Variants in P3H2 observed in about 807,000 individuals in gnomAD.
P3H2 encodes prolyl 3-hydroxylase 2.
Under a neutral mutation model 87.0 loss-of-function variants are expected in P3H2, and 80 were observed. The ratio of observed to expected loss-of-function variants is 0.92; its 90% CI spans 0.77 to 1.11. The LOEUF (loss-of-function observed/expected upper bound fraction) is 1.11, where lower values mean the gene tolerates loss of function less well. Among genes scored for constraint, P3H2 ranks in the 50% least tolerant of loss-of-function variants. The probability of loss-of-function intolerance (pLI) is 0.00; values close to 1 mark genes in which losing one functional copy is unlikely to be tolerated. For synonymous variants in P3H2, 367 were observed against 359.3 expected (o/e 1.02, Z -0.24); for missense variants, 1,001 against 923.9 (o/e 1.08, Z -1.08).
intron 1 of P3H2, among the ~76,000 whole-genome samples, chr3:189,997,951 G>A (rs1321688943): frequency 1.3e-5 from 2 of 152,200 alleles, no homozygotes; most frequent in African/African-American, 4.8e-5. Context: ...TTTAAACACT[G>A]GTGCTTTAAT....
At chr3:189,982,936 A>T in intron 8 of P3H2, 110 bp downstream of exon 8, 2 of 833,836 alleles carry the variant, frequency 2.4e-6, no homozygotes, top group Non-Finnish European at 4.2e-6. Context: ...GCTTAGTCTT[A>T]TTCTTTATTT....
At chr3:190,076,837 G>A (rs1277254336) in intron 1 of P3H2, among the ~76,000 whole-genome samples, 2 of 152,126 alleles carry the variant, frequency 1.3e-5, no homozygotes, top group African/African-American at 4.8e-5. Flanking sequence ...CAGTAATGAT[G>A]ATTCATTTTA....
In P3H2 at chr3:189,994,135, T is replaced by C. The variant is rs75523528; in HGVS notation, c.782A>G (p.Glu261Gly). 12 of 1,613,452 alleles carry C rather than the reference T, an allele frequency of 7.4e-6. No individual in the cohort carries two copies. The Admixed American group carries it at 1.8e-4, about 25-fold the overall frequency. ...CAGACCAGCCTTATACCCTAAATAC[T>C]CATATTCTTCAAATCTCTGAGGCCC... ...CEGPQRFEEY[E>G]YLGYKAGLYE... Residue 261 changes from glutamate (E) to glycine (G), a missense_variant, in exon 3 of 15, where the codon GAG (glutamate) becomes GGG (glycine). Transcript: ENST00000319332.
At chr3:190,073,622 C>T (rs996075873) in intron 1 of P3H2, among the ~76,000 whole-genome samples, 36 of 152,142 alleles carry the variant, frequency 2.4e-4, no homozygotes, top group Non-Finnish European at 1.2e-4. Context: ...CCAGAAACTG[C>T]AGTGTGGTCA....
rs28611416 is a variant in P3H2 at position 189,965,814 on chromosome 3, C to T, written c.1894-1716G>A. 6.8e-3 allele frequency among the ~76,000 whole-genome samples: 1,027 copies of T among 151,808 alleles called. 11 individuals carry two copies. The highest frequency in any genetic ancestry group is 0.024 in the African/African-American group (979 of 41,352). On this transcript the variant is annotated intron_variant, in intron 13 of 14. Coordinates refer to ENST00000319332, the MANE Select transcript of P3H2 (RefSeq NM_018192.4). ...CAGCCTGGCCAACATGGTGAAACCCCGTCTCTACTAAAAATACAAAAATTA... is the reference window on the plus strand; with the variant it reads ...CAGCCTGGCCAACATGGTGAAACCCTGTCTCTACTAAAAATACAAAAATTA...
At chr3:190,076,928 G>GT (rs1234445492) in intron 1 of P3H2, among the ~76,000 whole-genome samples, 15 of 152,140 alleles carry the variant, frequency 9.9e-5, no homozygotes, top group Non-Finnish European at 2.9e-5. Flanking sequence ...GGAGGAAAGG[G>GT]TTTTTCATTC....
intron 1 of P3H2, among the ~76,000 whole-genome samples, chr3:190,063,586 G>A (rs1227879130): frequency 6.6e-6 from 1 of 152,132 alleles, no homozygotes; most frequent in Non-Finnish European, 1.5e-5. Flanking sequence ...TACCAGGTGT[G>A]TGCTTTGTTA....
chr3:190,084,559 T>A (rs1727149316), intron 1 of P3H2, among the ~76,000 whole-genome samples: 1 of 152,168 alleles, frequency 6.6e-6, no homozygotes, highest in Non-Finnish European at 1.5e-5. Flanking sequence ...AATAATAAAT[T>A]AATAATCACA....
intron 8 of P3H2, among the ~76,000 whole-genome samples, chr3:189,981,205 A>C (rs1723523209): frequency 1.3e-5 from 2 of 152,220 alleles, no homozygotes; most frequent in South Asian, 4.1e-4. Context: ...CAAAGTCAGG[A>C]TCATGGGAAC....
chr3:189,963,156 G>T (rs837682), intron 14 of P3H2, among the ~76,000 whole-genome samples: 32,725 of 152,038 alleles, frequency 0.22, 3,746 homozygotes, highest in Non-Finnish European at 0.27. Flanking sequence ...AATTCATACC[G>T]CTGCAGCTCC....
At chr3:190,040,755 T>C (rs1725581009) in intron 1 of P3H2, among the ~76,000 whole-genome samples, 1 of 152,000 alleles carries the variant, frequency 6.6e-6, no homozygotes, top group African/African-American at 2.4e-5. Context: ...TTATGAACTC[T>C]ATGCAAAAAA....
chr3:190,112,313 T>TC (rs1712100545), intron 1 of P3H2, among the ~76,000 whole-genome samples: 1 of 152,224 alleles, frequency 6.6e-6, no homozygotes, highest in South Asian at 2.1e-4. Flanking sequence ...AATGTTTCAT[T>TC]AATGTGGCAG....
intron 1 of P3H2, among the ~76,000 whole-genome samples, chr3:190,081,117 A>G (rs1171919319): frequency 6.6e-6 from 1 of 152,240 alleles, no homozygotes; most frequent in Non-Finnish European, 1.5e-5. Context: ...TCTTTTACAT[A>G]GAACTAAAGA....
At position 190,002,117 on chromosome 3, in the gene P3H2, C is replaced by T. The variant is rs142356793; in HGVS notation, c.481-6675G>A. On this transcript the variant is annotated intron_variant, in intron 1 of 14. Coordinates refer to ENST00000319332, the MANE Select transcript of P3H2 (RefSeq NM_018192.4). ...CAGATTTTTGGAGTAAAATAATAGC[C>T]ATATAGCAAATAACTTTGCATTTTA... 4.3e-3 allele frequency among the ~76,000 whole-genome samples: 655 copies of T among 152,104 alleles called. 5 individuals carry two copies. Among genetic ancestry groups the T allele is most frequent in the African/African-American group, 0.015 (638 of 41,520 alleles).
At chr3:190,053,757 CA>C (rs907697815) in intron 1 of P3H2, among the ~76,000 whole-genome samples, 7 of 152,122 alleles carry the variant, frequency 4.6e-5, no homozygotes, top group Middle Eastern at 3.2e-3. Context: ...TGGGCCCAGC[CA>C]AAAGTGTCTT....
intron 1 of P3H2, among the ~76,000 whole-genome samples, chr3:190,040,080 A>G (rs191054093): frequency 6.6e-6 from 1 of 152,304 alleles, no homozygotes; most frequent in Admixed American, 6.5e-5. Flanking sequence ...TAATCTTTTT[A>G]TATGTAATAA....
intron 8 of P3H2, among the ~76,000 whole-genome samples, chr3:189,981,558 T>G (rs1723535349): frequency 6.6e-6 from 1 of 152,188 alleles, no homozygotes; most frequent in Non-Finnish European, 1.5e-5. Context: ...CATTAGCCAC[T>G]TCGTCCTAGA....
chr3:190,053,099 G>A (rs151286434), intron 1 of P3H2, among the ~76,000 whole-genome samples: 6 of 152,246 alleles, frequency 3.9e-5, no homozygotes, highest in African/African-American at 1.2e-4. Flanking sequence ...TTGAATAGCC[G>A]AGTAGTATTC....
intron 1 of P3H2, among the ~76,000 whole-genome samples, chr3:190,017,823 T>G (rs1724815959): frequency 6.6e-6 from 1 of 152,192 alleles, no homozygotes; most frequent in South Asian, 2.1e-4. Flanking sequence ...TAAAGCCAAA[T>G]TACTCAGGAC....
Sources: gnomAD v4.1 joint callset for allele counts (sites outside exome capture counted in the v4.1 genomes callset) on GRCh38, gnomAD v4.1.1 for gene constraint, MANE v1.5 for transcripts, NCBI Gene and HGNC (gene_info 2026-07-23, HGNC 2026-07-21) for gene names.